Variants in AVL9 observed in about 807,000 individuals in gnomAD.
AVL9 encodes AVL9 cell migration associated.
AVL9 carries 49 observed loss-of-function variants against 79.2 expected under a neutral mutation model. The ratio of observed to expected loss-of-function variants is 0.62; its 90% CI spans 0.49 to 0.79. The LOEUF (loss-of-function observed/expected upper bound fraction) is 0.79. Ranked by LOEUF, AVL9 falls within the 30% of genes least tolerant of loss-of-function variation. The pLI, the probability that AVL9 is intolerant of heterozygous loss-of-function variation, is 0.00. For synonymous variants in AVL9, 299 were observed against 280.6 expected, an observed-to-expected ratio of 1.07 and a Z score of -0.65; for missense variants, 682 against 776.8, an observed-to-expected ratio of 0.88 and a Z score of 1.45.
intron 10 of AVL9, among the ~76,000 whole-genome samples, chr7:32,566,241 A>G (rs1390647365): frequency 2.4e-5 from 3 of 124,810 alleles, no homozygotes; most frequent in African/African-American, 9.2e-5. Context: ...CAGTGGTGCA[A>G]TCTCGGCTCT....
intron 1 of AVL9, among the ~76,000 whole-genome samples, chr7:32,542,790 CAGT>C (rs946322943): frequency 3.3e-5 from 5 of 152,124 alleles, no homozygotes; most frequent in Non-Finnish European, 5.9e-5. Flanking sequence ...CTACTCAATT[CAGT>C]AGGCTGTTGG....
At position 32,570,156 on chromosome 7, in the gene AVL9, T is replaced by C; in HGVS notation, c.1350+2T>C. 6.2e-7 allele frequency: 1 copy of C among 1,614,210 alleles called. No homozygotes were observed. Among genetic ancestry groups the C allele is most frequent in the Non-Finnish European group, 8.5e-7 (1 of 1,180,020 alleles). On this transcript the variant is annotated splice_donor_variant, in intron 11 of 15. Transcript: ENST00000318709. LOFTEE classifies it high-confidence loss of function. Reference sequence around the variant, plus strand: ...CACCTCAGTGATGCCATTGTGGAAGTACGTTTATGTGTGAGTGTGTGTATT... The same window carrying C: ...CACCTCAGTGATGCCATTGTGGAAGCACGTTTATGTGTGAGTGTGTGTATT...
Position 32,524,777 on chromosome 7 carries a change from G to A in AVL9, c.94-18364G>A, listed in dbSNP as rs1788329455. On this transcript the variant is annotated intron_variant, in intron 1 of 15. Coordinates refer to ENST00000318709, the MANE Select transcript of AVL9 (RefSeq NM_015060.3). ...CATAGCCTTTTGTGGAGCATTTACT[G>A]GGGCTTATGGCAAAAGACTGTGAGT... is the stretch of plus-strand genomic sequence containing the variant. Among the ~76,000 whole-genome samples the A allele has an allele frequency of 3.3e-5, 5 of 152,218 alleles. No homozygotes were observed. The South Asian group carries it at 1.0e-3, about 32-fold the overall frequency.
At chr7:32,512,075 A>C (rs4629759) in intron 1 of AVL9, among the ~76,000 whole-genome samples, 2 of 152,190 alleles carry the variant, frequency 1.3e-5, no homozygotes, top group Non-Finnish European at 2.9e-5. Context: ...GCTCCCTTTT[A>C]TTCTAGTGAG....
At chr7:32,505,025 C>T (rs767545223) in intron 1 of AVL9, among the ~76,000 whole-genome samples, 31 of 151,766 alleles carry the variant, frequency 2.0e-4, no homozygotes, top group Non-Finnish European at 3.4e-4. Context: ...AAGAGTATGC[C>T]ACCATGCCCC....
chr7:32,538,084 C>T (rs985022625), intron 1 of AVL9: 9 of 152,184 alleles, frequency 5.9e-5, no homozygotes, highest in South Asian at 2.1e-4. Context: ...GAGTCAACTG[C>T]GTCTTCAGTT....
intron 1 of AVL9, among the ~76,000 whole-genome samples, chr7:32,529,547 C>G (rs1484356167): frequency 1.3e-5 from 2 of 152,174 alleles, no homozygotes; most frequent in East Asian, 3.8e-4. Flanking sequence ...TATTAGCCTT[C>G]TTTATAGATA....
Position 32,573,268 on chromosome 7 carries a change from C to T in AVL9, c.1420C>T (p.Leu474=), listed in dbSNP as rs35451747. The part of the protein sequence containing the change: ...RKLLNPTTAD[L]RFADYLVRHV... ...GCTGCTTAACCCAACCACTGCAGAC[C>T]TAAGGTTCGCAGACTACCTAGTGAG... The change falls in exon 12 of 16, where the codon CTA becomes TTA. Residue 474 remains leucine (L), a synonymous_variant. Transcript: ENST00000318709. 14 of 1,613,682 alleles carry T rather than the reference C, an allele frequency of 8.7e-6. No homozygotes were observed. Among genetic ancestry groups the T allele is most frequent in the Non-Finnish European group, 1.2e-5 (14 of 1,179,988 alleles).
chr7:32,583,353 A>C (rs1172760771), intron 15 of AVL9, among the ~76,000 whole-genome samples: 1 of 152,202 alleles, frequency 6.6e-6, no homozygotes, highest in Non-Finnish European at 1.5e-5. Flanking sequence ...TGAAACTAAA[A>C]ATTTAAATGA....
intron 10 of AVL9, among the ~76,000 whole-genome samples, chr7:32,562,080 A>G (rs1790355790): frequency 6.6e-6 from 1 of 152,242 alleles, no homozygotes; most frequent in South Asian, 2.1e-4. Flanking sequence ...TAACAAACAC[A>G]ATAATAAGGA....
At chr7:32,521,146 C>T (rs900228077) in intron 1 of AVL9, among the ~76,000 whole-genome samples, 11 of 151,954 alleles carry the variant, frequency 7.2e-5, no homozygotes, top group Admixed American at 2.0e-4. Context: ...ATCAGCAGCA[C>T]GAAAACAGAC....
intron 13 of AVL9, among the ~76,000 whole-genome samples, chr7:32,579,285 T>C (rs1791243054): frequency 9.4e-6 from 1 of 106,370 alleles, no homozygotes; most frequent in Non-Finnish European, 1.8e-5. Context: ...ATTTTATATA[T>C]ATATATGTAT....
intron 5 of AVL9, among the ~76,000 whole-genome samples, 181 bp downstream of exon 5, chr7:32,551,604 A>ATTTTTTTTTT (rs1789822905): frequency 1.1e-4 from 2 of 17,792 alleles, no homozygotes; most frequent in African/African-American, 5.0e-4. Context: ...ATTTAACCAA[A>ATTTTTTTTTT]CTTTTTTTTT....
At chr7:32,518,895 T>A (rs1032144382) in intron 1 of AVL9, among the ~76,000 whole-genome samples, 2 of 152,174 alleles carry the variant, frequency 1.3e-5, no homozygotes, top group Admixed American at 1.3e-4. Flanking sequence ...ATTAGAAAAA[T>A]TGTGTTACTC....
rs191098165 is a variant in AVL9 at position 32,534,208 on chromosome 7, C to A, written c.94-8933C>A. 165 of 152,030 alleles carry A rather than the reference C, an allele frequency of 1.1e-3. 1 individual carries two copies. Among genetic ancestry groups the A allele is most frequent in the African/African-American group, 3.8e-3 (157 of 41,456 alleles). The allele number at this position is 152,030 out of a possible 1,614,324, so 9.4% of individuals were successfully genotyped here. ...GAAATCAGCTATTGTCTTATTTTTCCCTCCTCTTCTCCCTTAGTAATCTTG... is the reference window on the plus strand; with the variant it reads ...GAAATCAGCTATTGTCTTATTTTTCACTCCTCTTCTCCCTTAGTAATCTTG... On this transcript the variant is annotated intron_variant, in intron 1 of 15. Coordinates refer to ENST00000318709, the MANE Select transcript of AVL9 (RefSeq NM_015060.3).
At chr7:32,519,367 G>T (rs1319795170) in intron 1 of AVL9, among the ~76,000 whole-genome samples, 1 of 151,746 alleles carries the variant, frequency 6.6e-6, no homozygotes, top group Admixed American at 6.6e-5. Flanking sequence ...GATGGAGGTT[G>T]CAGTGAGCTG....
chr7:32,538,067 CA>C (rs1258973831), intron 1 of AVL9: 1 of 152,200 alleles, frequency 6.6e-6, no homozygotes, highest in Non-Finnish European at 1.5e-5. Context: ...CTATTTATGA[CA>C]GTTTTGAGTC....
chr7:32,573,256 A>G lies in AVL9; in HGVS notation c.1408A>G (p.Thr470Ala). 1 of 1,613,892 alleles carries G rather than the reference A, an allele frequency of 6.2e-7. No homozygotes were observed. Residue 470 changes from threonine (T) to alanine (A), a missense_variant, in exon 12 of 16, where the codon ACC (threonine) becomes GCC (alanine). Coordinates refer to ENST00000318709, the MANE Select transcript of AVL9 (RefSeq NM_015060.3). ...AGAACTCAGGAAGCTGCTTAACCCAACCACTGCAGACCTAAGGTTCGCAGA... is the reference window on the plus strand; with the variant it reads ...AGAACTCAGGAAGCTGCTTAACCCAGCCACTGCAGACCTAAGGTTCGCAGA... Reference protein sequence around the residue: ...DPELRKLLNPTTADLRFADYL... With the variant: ...DPELRKLLNPATADLRFADYL...
intron 1 of AVL9, among the ~76,000 whole-genome samples, chr7:32,542,903 A>G (rs961266700): frequency 1.3e-5 from 2 of 152,190 alleles, no homozygotes; most frequent in Non-Finnish European, 2.9e-5. Context: ...CATTATGCAC[A>G]TTAAAGTTTA....
Sources: gnomAD v4.1 joint callset for allele counts (sites outside exome capture counted in the v4.1 genomes callset) on GRCh38, gnomAD v4.1.1 for gene constraint, MANE v1.5 for transcripts, NCBI Gene and HGNC (gene_info 2026-07-23, HGNC 2026-07-21) for gene names.